Variants in CYFIP2 observed in about 807,000 individuals in gnomAD.
The protein encoded by CYFIP2 is cytoplasmic FMR1 interacting protein 2.
Under a neutral mutation model 158.7 loss-of-function variants are expected in CYFIP2, and 29 were observed. That is an observed-to-expected ratio of 0.18 (90% CI 0.14 to 0.25). The LOEUF is 0.25. CYFIP2 is among the 10% of genes least tolerant of loss of function. The probability of loss-of-function intolerance (pLI) is 1.00; values close to 1 mark genes in which losing one functional copy is unlikely to be tolerated. For synonymous variants in CYFIP2, 585 were observed against 617.6 expected (o/e 0.95, Z 0.78); for missense variants, 852 against 1,639.5 (o/e 0.52, Z 8.29).
intron 26 of CYFIP2, among the ~76,000 whole-genome samples, chr5:157,371,270 C>T (rs528335679): frequency 9.2e-5 from 14 of 152,276 alleles, no homozygotes; most frequent in Admixed American, 2.6e-4. Flanking sequence ...CCCAGCTCCC[C>T]GTCCCCCTCC....
At chr5:157,358,141 A>G (rs1245990689) in intron 23 of CYFIP2, among the ~76,000 whole-genome samples, 2 of 152,228 alleles carry the variant, frequency 1.3e-5, no homozygotes, top group Admixed American at 1.3e-4. Context: ...TTTCCAGAAC[A>G]GAGCGTTAGA....
At chr5:157,292,102 T>C (rs1757864963) in intron 3 of CYFIP2, among the ~76,000 whole-genome samples, 8 of 152,246 alleles carry the variant, frequency 5.3e-5, no homozygotes, top group Admixed American at 5.2e-4. Context: ...TTTCTGTTTC[T>C]ATGGATTTGC....
At chr5:157,274,485 T>C (rs537457635) in intron 1 of CYFIP2, among the ~76,000 whole-genome samples, 99 of 152,340 alleles carry the variant, frequency 6.5e-4, no homozygotes, top group Non-Finnish European at 1.2e-3. Context: ...AGTTGATGCA[T>C]ATGTTAGTTC....
At chr5:157,322,914 T>C in intron 15 of CYFIP2, 1 of 1,527,794 alleles carries the variant, frequency 6.5e-7, no homozygotes, top group Non-Finnish European at 8.8e-7. Flanking sequence ...TCCCATTCCC[T>C]CTTCCTTCTC....
chr5:157,374,873 T>C (rs2113463877), intron 26 of CYFIP2, among the ~76,000 whole-genome samples: 1 of 152,376 alleles, frequency 6.6e-6, no homozygotes. Flanking sequence ...AGTTAGTTCC[T>C]GGGGTCTTTG....
intron 23 of CYFIP2, among the ~76,000 whole-genome samples, chr5:157,350,717 G>C (rs1763009996): frequency 6.6e-6 from 1 of 152,166 alleles, no homozygotes; most frequent in East Asian, 1.9e-4. Flanking sequence ...ATTGCTTTTG[G>C]CAGTGTTGTC....
intron 26 of CYFIP2, among the ~76,000 whole-genome samples, chr5:157,381,517 G>C (rs1238131092): frequency 8.4e-6 from 1 of 119,396 alleles, no homozygotes; most frequent in Admixed American, 1.0e-4. Flanking sequence ...AACAGAATGG[G>C]ACTCCGTTTC....
At chr5:157,377,582 G>T (rs1490851807) in intron 26 of CYFIP2, among the ~76,000 whole-genome samples, 1 of 152,120 alleles carries the variant, frequency 6.6e-6, no homozygotes, top group Admixed American at 6.5e-5. Flanking sequence ...TCTTGGTAAG[G>T]GTTGTGCATC....
chr5:157,372,459 G>T (rs930632782), intron 26 of CYFIP2, among the ~76,000 whole-genome samples: 1 of 152,114 alleles, frequency 6.6e-6, no homozygotes, highest in African/African-American at 2.4e-5. Flanking sequence ...TTCCTAATAT[G>T]AAGTTGAAGC....
At chr5:157,284,571 G>T (rs1040074417) in intron 1 of CYFIP2, among the ~76,000 whole-genome samples, 10 of 152,170 alleles carry the variant, frequency 6.6e-5, no homozygotes, top group African/African-American at 2.4e-4. Context: ...TATTCTGTTT[G>T]CTGGGTGCTG....
intron 23 of CYFIP2, among the ~76,000 whole-genome samples, chr5:157,357,435 A>G (rs1581133080): frequency 6.6e-6 from 1 of 152,364 alleles, no homozygotes; most frequent in East Asian, 1.9e-4. Context: ...GCTAGCTAAT[A>G]GAGAATTTCA....
intron 5 of CYFIP2, among the ~76,000 whole-genome samples, chr5:157,299,891 C>T (rs1447378583): frequency 2.0e-5 from 3 of 152,110 alleles, no homozygotes; most frequent in East Asian, 3.9e-4. Context: ...AACAGTGAAA[C>T]TCCATCTCAA....
chr5:157,273,826 A>G (rs924157412), intron 1 of CYFIP2, among the ~76,000 whole-genome samples: 6 of 152,140 alleles, frequency 3.9e-5, no homozygotes, highest in Non-Finnish European at 7.3e-5. Flanking sequence ...ATACTGTACA[A>G]TTCACTCATT....
chr5:157,380,940 C>T (rs10051899), intron 26 of CYFIP2, among the ~76,000 whole-genome samples: 1,724 of 152,268 alleles, frequency 0.011, 40 homozygotes, highest in African/African-American at 0.038. Context: ...AAGGGCCGTG[C>T]GCAGTGGCTC....
At chr5:157,287,973 G>A (rs1009925624) in intron 3 of CYFIP2, among the ~76,000 whole-genome samples, 1 of 152,062 alleles carries the variant, frequency 6.6e-6, no homozygotes, top group Non-Finnish European at 1.5e-5. Flanking sequence ...CACACCTATA[G>A]TCGCAGCTAC....
At chr5:157,305,773 C>T (rs1315171800) in intron 8 of CYFIP2, among the ~76,000 whole-genome samples, 2 of 152,242 alleles carry the variant, frequency 1.3e-5, no homozygotes, top group African/African-American at 2.4e-5. Flanking sequence ...CCTCGGCCTC[C>T]AAAAGTGCTG....
chr5:157,377,863 G>C (rs533236907), intron 26 of CYFIP2, among the ~76,000 whole-genome samples: 4 of 152,210 alleles, frequency 2.6e-5, no homozygotes, highest in Admixed American at 6.5e-5. Flanking sequence ...CTCAATCAAT[G>C]TTTACATGAG....
intron 3 of CYFIP2, among the ~76,000 whole-genome samples, chr5:157,292,700 A>G (rs1392953690): frequency 1.3e-5 from 2 of 151,796 alleles, no homozygotes; most frequent in African/African-American, 2.4e-5. Flanking sequence ...GTTACATGCA[A>G]ATCTTGAATC....
chr5:157,331,792 C>G (rs1378454253), intron 20 of CYFIP2, among the ~76,000 whole-genome samples: 1 of 152,022 alleles, frequency 6.6e-6, no homozygotes, highest in Non-Finnish European at 1.5e-5. Context: ...ATAAGGGGCC[C>G]TGGTCAGTTG....
Sources: gnomAD v4.1 joint callset for allele counts (sites outside exome capture counted in the v4.1 genomes callset) on GRCh38, gnomAD v4.1.1 for gene constraint, MANE v1.5 for transcripts, NCBI Gene and HGNC (gene_info 2026-07-23, HGNC 2026-07-21) for gene names.